NELL2: variants seen among roughly 807,000 people sequenced by gnomAD.
NELL2 encodes the protein neural EGFL like 2, also known as protein kinase C-binding protein NELL2.
Under a neutral mutation model 109.6 loss-of-function variants are expected in NELL2, and 41 were observed. The ratio of observed to expected loss-of-function variants is 0.37; its 90% CI spans 0.29 to 0.49. The LOEUF (loss-of-function observed/expected upper bound fraction) is 0.49, where lower values mean the gene tolerates loss of function less well. Ranked by LOEUF, NELL2 falls within the 20% of genes least tolerant of loss-of-function variation. NELL2 has a pLI of 0.98. For synonymous variants in NELL2, 355 were observed against 344.7 expected (o/e 1.03, Z -0.33); for missense variants, 900 against 1,008.3 (o/e 0.89, Z 1.45).
chr12:44,627,289 C>A (rs766951762), intron 13 of NELL2, among the ~76,000 whole-genome samples: 3 of 152,146 alleles, frequency 2.0e-5, no homozygotes, highest in Non-Finnish European at 4.4e-5. Context: ...GTAATTCAAG[C>A]ATTATGGATG....
At chr12:44,673,579 T>C (rs187745285) in intron 12 of NELL2, among the ~76,000 whole-genome samples, 218 of 152,318 alleles carry the variant, frequency 1.4e-3, no homozygotes, top group African/African-American at 5.1e-3. Context: ...AAGCTGGTTA[T>C]GTTGTAGAGA....
intron 3 of NELL2, among the ~76,000 whole-genome samples, chr12:44,813,624 T>C (rs963758175): frequency 2.0e-5 from 3 of 151,914 alleles, no homozygotes; most frequent in African/African-American, 7.3e-5. Flanking sequence ...AAGTAAGGGG[T>C]TGATTAAACA....
intron 2 of NELL2, among the ~76,000 whole-genome samples, chr12:44,867,481 A>G (rs1945034202): frequency 6.6e-6 from 1 of 152,208 alleles, no homozygotes; most frequent in Non-Finnish European, 1.5e-5. Flanking sequence ...GTATCTCAAC[A>G]CAATAAAGTT....
chr12:44,690,449 G>C (rs1948863607), intron 12 of NELL2, among the ~76,000 whole-genome samples: 1 of 151,816 alleles, frequency 6.6e-6, no homozygotes. Flanking sequence ...CTGAGATAAA[G>C]TATAAGATTC....
At chr12:44,826,630 T>C (rs890265831) in intron 2 of NELL2, among the ~76,000 whole-genome samples, 5 of 152,186 alleles carry the variant, frequency 3.3e-5, no homozygotes, top group Non-Finnish European at 7.3e-5. Flanking sequence ...TCTATAATAA[T>C]AGAAATTGCT....
At chr12:44,876,559 A>G (rs1945332858), upstream of NELL2, 9 of 1,472,942 alleles carry the variant, frequency 6.1e-6, no homozygotes, top group Non-Finnish European at 7.3e-6. Context: ...TCGGGATTGA[A>G]AGCTCTAAAT....
At chr12:44,684,833 T>G (rs1039822264) in intron 12 of NELL2, among the ~76,000 whole-genome samples, 4 of 152,292 alleles carry the variant, frequency 2.6e-5, no homozygotes, top group African/African-American at 7.2e-5. Flanking sequence ...GTGCTTTACT[T>G]CCAACTATGT....
At chr12:44,772,952 C>T (rs1018024064) in intron 9 of NELL2, among the ~76,000 whole-genome samples, 5 of 152,142 alleles carry the variant, frequency 3.3e-5, no homozygotes, top group Admixed American at 2.0e-4. Context: ...TTATGTCTAA[C>T]CGCATGTTTA....
At position 44,643,984 on chromosome 12, in the gene NELL2, A is replaced by T. The variant is rs140603899; in HGVS notation, c.1444+21500T>A. ...TCACCAGGAAAACCTATCTAATCAG[A>T]TAGATGTTTGATAGGACAAGACAAA... On this transcript the variant is annotated intron_variant, in intron 13 of 19. Transcript: ENST00000429094. Among the ~76,000 whole-genome samples the T allele has an allele frequency of 1.0e-3, 152 of 152,308 alleles. 1 individual carries two copies. Among genetic ancestry groups the T allele is most frequent in the African/African-American group, 3.4e-3 (143 of 41,582 alleles).
At chr12:44,650,405 C>G (rs1193877439) in intron 13 of NELL2, among the ~76,000 whole-genome samples, 3 of 151,780 alleles carry the variant, frequency 2.0e-5, no homozygotes, top group Middle Eastern at 3.2e-3. Context: ...GCAATTCTCT[C>G]CTGCCTCAGC....
At chr12:44,828,211 T>C (rs1943776861) in intron 2 of NELL2, among the ~76,000 whole-genome samples, 1 of 152,148 alleles carries the variant, frequency 6.6e-6, no homozygotes, top group African/African-American at 2.4e-5. Context: ...CGTATTCTGG[T>C]TATTATTCCC....
intron 13 of NELL2, among the ~76,000 whole-genome samples, chr12:44,636,018 T>C (rs566572149): frequency 6.6e-6 from 1 of 152,194 alleles, no homozygotes; most frequent in Non-Finnish European, 1.5e-5. Context: ...TAAGTTGTAT[T>C]CCTAGGTATT....
chr12:44,871,411 A>C (rs2055673), intron 2 of NELL2, among the ~76,000 whole-genome samples: 103,915 of 152,112 alleles, frequency 0.68, 36,316 homozygotes, highest in East Asian at 0.94. Context: ...AGTTTCCCAA[A>C]AATAACTTAT....
chr12:44,555,460 A>G (rs1943215833), intron 15 of NELL2, among the ~76,000 whole-genome samples: 1 of 152,150 alleles, frequency 6.6e-6, no homozygotes, highest in African/African-American at 2.4e-5. Flanking sequence ...GAAGAATAAC[A>G]TTAGTTTTAG....
intron 1 of NELL2, among the ~76,000 whole-genome samples, chr12:44,921,040 A>G (rs1284776366): frequency 9.9e-5 from 15 of 152,174 alleles, no homozygotes; most frequent in Admixed American, 9.8e-4. Context: ...TAATCTACGT[A>G]CACACTTTTA....
intron 15 of NELL2, among the ~76,000 whole-genome samples, chr12:44,580,116 T>G (rs58889339): frequency 0.06 from 9,054 of 152,166 alleles, 876 homozygotes; most frequent in African/African-American, 0.21. Context: ...AGAGAGAAAA[T>G]CTCTCCAAAG....
intron 13 of NELL2, among the ~76,000 whole-genome samples, chr12:44,665,022 T>C (rs1947874906): frequency 6.6e-6 from 1 of 152,156 alleles, no homozygotes; most frequent in Admixed American, 6.6e-5. Flanking sequence ...ACTTCTTTGA[T>C]GTAGTTCTCA....
In NELL2 at chr12:44,703,803, C is replaced by T. The variant is rs1389975769; in HGVS notation, c.1241G>A (p.Arg414Lys). ...RHNCMENSIC[R>K]NLNDRAVCSC... Reference sequence around the variant, plus strand: ...ACAAACAGCCCTGTCATTCAGATTTCTGCAGATGGAATTCTCCATGCAGTT... The same window carrying T: ...ACAAACAGCCCTGTCATTCAGATTTTTGCAGATGGAATTCTCCATGCAGTT... Residue 414 changes from arginine (R) to lysine (K), a missense_variant, in exon 12 of 20, where the codon AGA (arginine) becomes AAA (lysine). Physicochemically the swap from Arg to Lys is conservative, Grantham distance 26. Coordinates refer to ENST00000429094, the MANE Select transcript of NELL2 (RefSeq NM_001145108.2). 6 of 1,613,484 alleles carry T rather than the reference C, an allele frequency of 3.7e-6. No individual in the cohort carries two copies. The highest frequency in any genetic ancestry group is 5.1e-6 in the Non-Finnish European group (6 of 1,179,672).
In NELL2 at chr12:44,816,022, G is replaced by C; in HGVS notation, c.299C>G (p.Ser100Ter). ...LVTLKQTHLN[S>*]GVILSIHHLD... ...GTGGTGAATTGAGAGAATAACTCCT[G>C]AATTTAAGTGGGTCTGTTTTAGGGT... The change falls in exon 3 of 20, where the codon TCA (serine) becomes TGA (stop). Residue 100 changes from serine (S) to a stop codon, truncating the protein, a stop_gained. Coordinates refer to ENST00000429094, the MANE Select transcript of NELL2 (RefSeq NM_001145108.2). LOFTEE classifies it high-confidence loss of function. The C allele has an allele frequency of 1.2e-6, 2 of 1,612,184 alleles. No individual in the cohort carries two copies. Among genetic ancestry groups the C allele is most frequent in the Non-Finnish European group, 1.7e-6 (2 of 1,179,566 alleles).
Sources: allele counts gnomAD v4.1 joint callset (sites outside exome capture counted in the v4.1 genomes callset), GRCh38; gene constraint gnomAD v4.1.1; transcripts MANE v1.5; gene names NCBI Gene and HGNC (gene_info 2026-07-23, HGNC 2026-07-21).